Variants in VPS8 observed in about 807,000 individuals in gnomAD.
VPS8 encodes the protein vacuolar protein sorting-associated protein 8 homolog.
A neutral mutation model predicts 216.4 loss-of-function variants in VPS8; 129 were observed. The observed-to-expected ratio is 0.60, with a 90% CI of 0.52 to 0.69. VPS8 has a LOEUF of 0.69. VPS8 is among the 30% of genes least tolerant of loss of function. The probability of loss-of-function intolerance (pLI) is 0.00; values close to 1 mark genes in which losing one functional copy is unlikely to be tolerated. For synonymous variants in VPS8, 571 were observed against 565.4 expected (o/e 1.01, Z -0.14); for missense variants, 1,531 against 1,683.5 (o/e 0.91, Z 1.59).
chr3:185,051,044 G>A (rs191784966), intron 47 of VPS8, among the ~76,000 whole-genome samples: 1 of 152,280 alleles, frequency 6.6e-6, no homozygotes, highest in Admixed American at 6.5e-5. Context: ...AGGACCTTGG[G>A]TGTAGAATTC....
At chr3:185,027,538 G>A (rs541607949) in intron 46 of VPS8, among the ~76,000 whole-genome samples, 54 of 152,158 alleles carry the variant, frequency 3.5e-4, no homozygotes, top group Non-Finnish European at 5.7e-4. Flanking sequence ...CACCGCACCC[G>A]GCTCTTACGT....
At chr3:185,003,155 C>CTTT (rs1266312903) in intron 45 of VPS8, among the ~76,000 whole-genome samples, 9 of 44,916 alleles carry the variant, frequency 2.0e-4, no homozygotes, top group Admixed American at 1.8e-3. Flanking sequence ...TATTTTTTCT[C>CTTT]ATTTTTTTTT....
chr3:184,833,309 T>C (rs754456199), intron 4 of VPS8, among the ~76,000 whole-genome samples: 3 of 152,194 alleles, frequency 2.0e-5, no homozygotes, highest in Non-Finnish European at 2.9e-5. Context: ...TCCAAGTTCT[T>C]GGAGAGACTA....
At chr3:184,836,104 G>A (rs1378574444) in intron 5 of VPS8, 1 of 359,760 alleles carries the variant, frequency 2.8e-6, no homozygotes, top group Non-Finnish European at 5.4e-6. Context: ...AAAGCCCTTA[G>A]TGCAAATAAC....
intron 21 of VPS8, among the ~76,000 whole-genome samples, chr3:184,878,673 G>T (rs940976842): frequency 3.3e-5 from 5 of 152,102 alleles, no homozygotes; most frequent in African/African-American, 1.2e-4. Context: ...CTAGCACATT[G>T]CCCTATCCCT....
At chr3:184,898,269 A>C (rs1226223336) in intron 23 of VPS8, among the ~76,000 whole-genome samples, 1 of 152,168 alleles carries the variant, frequency 6.6e-6, no homozygotes, top group East Asian at 1.9e-4. Flanking sequence ...TTCAATAAAT[A>C]TTTGTAGAAC....
intron 17 of VPS8, 90 bp from the exon 18 acceptor site, chr3:184,867,934 A>G (rs1333156657): frequency 7.5e-7 from 1 of 1,334,450 alleles, no homozygotes. Flanking sequence ...TTAAAGGGAT[A>G]TCAAATGAGA....
intron 23 of VPS8, 29 bp from the exon 24 acceptor site, chr3:184,898,536 A>G (rs2108968463): frequency 2.7e-6 from 4 of 1,506,170 alleles, no homozygotes; most frequent in East Asian, 2.5e-5. Flanking sequence ...ACTGAATTGT[A>G]TGGACCAAGT....
At chr3:184,950,821 G>A (rs925159897) in intron 36 of VPS8, among the ~76,000 whole-genome samples, 1 of 152,022 alleles carries the variant, frequency 6.6e-6, no homozygotes, top group Non-Finnish European at 1.5e-5. Context: ...TCTGATGTTT[G>A]GTTTTCTGTT....
chr3:184,838,607 T>C (rs1721551965), intron 5 of VPS8, 107 bp from the exon 6 acceptor site: 4 of 887,622 alleles, frequency 4.5e-6, no homozygotes, highest in Non-Finnish European at 6.8e-6. Flanking sequence ...GTTCTACCTC[T>C]AATCTAAATT....
At chr3:184,864,226 G>A (rs1483649164) in intron 16 of VPS8, among the ~76,000 whole-genome samples, 1 of 152,166 alleles carries the variant, frequency 6.6e-6, no homozygotes, top group Non-Finnish European at 1.5e-5. Flanking sequence ...GTGATGGACA[G>A]CAATCTCTCA....
At chr3:184,902,838 A>G (rs895555276) in intron 25 of VPS8, among the ~76,000 whole-genome samples, 6 of 152,246 alleles carry the variant, frequency 3.9e-5, no homozygotes, top group Non-Finnish European at 8.8e-5. Context: ...TCAAAAAAAA[A>G]AAAAAAAGAA....
intron 46 of VPS8, among the ~76,000 whole-genome samples, chr3:185,026,795 G>A (rs570188913): frequency 2.1e-5 from 3 of 139,680 alleles, no homozygotes; most frequent in Admixed American, 1.6e-4. Flanking sequence ...TGCAACCTCC[G>A]CCTCCTGGGT....
chr3:185,001,541 G>A (rs954716499), intron 45 of VPS8, among the ~76,000 whole-genome samples: 2 of 152,170 alleles, frequency 1.3e-5, no homozygotes, highest in Non-Finnish European at 1.5e-5. Context: ...CACCTTCCTA[G>A]CACATCAATG....
chr3:184,990,210 G>A (rs1031693860), intron 42 of VPS8, among the ~76,000 whole-genome samples: 3 of 152,088 alleles, frequency 2.0e-5, no homozygotes, highest in Non-Finnish European at 4.4e-5. Context: ...TTTAATCCAC[G>A]TTAAATCCTC....
intron 42 of VPS8, among the ~76,000 whole-genome samples, chr3:184,985,395 A>G (rs1750907606): frequency 6.6e-6 from 1 of 152,094 alleles, no homozygotes; most frequent in Non-Finnish European, 1.5e-5. Flanking sequence ...TATTAATTAA[A>G]TATATTAATT....
chr3:184,874,487 T>C (rs559506107), intron 21 of VPS8, among the ~76,000 whole-genome samples: 1 of 152,316 alleles, frequency 6.6e-6, no homozygotes, highest in Admixed American at 6.5e-5. Flanking sequence ...CAAAGTGATC[T>C]TGACAAGAAA....
intron 45 of VPS8, among the ~76,000 whole-genome samples, chr3:185,006,269 A>G (rs1754234723): frequency 6.6e-6 from 1 of 152,136 alleles, no homozygotes; most frequent in Non-Finnish European, 1.5e-5. Flanking sequence ...AAATTTATCA[A>G]ATACATGTGT....
At chr3:184,997,079 C>T (rs1384576799) in intron 44 of VPS8, among the ~76,000 whole-genome samples, 1 of 152,142 alleles carries the variant, frequency 6.6e-6, no homozygotes, top group Non-Finnish European at 1.5e-5. Flanking sequence ...TTATTCAAGT[C>T]AGAAATCTGG....
Sources: allele counts gnomAD v4.1 joint callset (sites outside exome capture counted in the v4.1 genomes callset), GRCh38; gene constraint gnomAD v4.1.1; transcripts MANE v1.5; gene names NCBI Gene and HGNC (gene_info 2026-07-23, HGNC 2026-07-21).